The following IGF1R variants were observed in gnomAD, a reference collection of about 807,000 sequenced individuals.
The protein encoded by IGF1R is insulin-like growth factor 1 receptor.
A neutral mutation model predicts 144.6 loss-of-function variants in IGF1R; 44 were observed. The ratio of observed to expected loss-of-function variants is 0.30; its 90% CI spans 0.24 to 0.39. IGF1R has a LOEUF of 0.39. Ranked by LOEUF, IGF1R falls within the 10% of genes least tolerant of loss-of-function variation. IGF1R has a pLI of 1.00. For missense variants in IGF1R, 1,355 were observed against 1,833.7 expected (o/e 0.74, Z 4.77); for synonymous variants, 795 against 722.8 (o/e 1.10, Z -1.60).
chr15:98,912,182 A>C, intron 7 of IGF1R, among the ~76,000 whole-genome samples: 1 of 152,170 alleles, frequency 6.6e-6, no homozygotes. Context: ...TTAATCCCAT[A>C]GTTCTCTCTC....
chr15:98,893,850 C>T (rs1216479597), intron 3 of IGF1R, among the ~76,000 whole-genome samples: 1 of 152,136 alleles, frequency 6.6e-6, no homozygotes, highest in Non-Finnish European at 1.5e-5. Context: ...AAAAATAAAA[C>T]ACCATAAAGA....
chr15:98,830,128 A>G (rs2056973545), intron 2 of IGF1R, among the ~76,000 whole-genome samples: 1 of 152,194 alleles, frequency 6.6e-6, no homozygotes, highest in African/African-American at 2.4e-5. Flanking sequence ...ACCCTTCGAG[A>G]TCAGCTTAAG....
At position 98,784,482 on chromosome 15, in the gene IGF1R, G is replaced by A. The variant is rs74034203; in HGVS notation, c.640+76375G>A. ...GTCAGAATGAGGTGTACCAACCTAG[G>A]TGGTCAGAGTTGGCCAAAATACACA... On this transcript the variant is annotated intron_variant, in intron 2 of 20. Transcript: ENST00000650285. 931 of 153,922 alleles carry A rather than the reference G, an allele frequency of 6.0e-3. 5 individuals carry two copies. Among genetic ancestry groups the A allele is most frequent in the African/African-American group, 0.021 (877 of 41,536 alleles). 9.5% of individuals were successfully genotyped at this position (153,922 alleles called of 1,614,324 possible).
chr15:98,954,302 G>A (rs2016893057), intron 20 of IGF1R: 1 of 151,966 alleles, frequency 6.6e-6, no homozygotes, highest in African/African-American at 2.4e-5. Context: ...TTTGAGTCTT[G>A]TCCCTGTTCC....
At chr15:98,862,855 A>C (rs550535847) in intron 2 of IGF1R, among the ~76,000 whole-genome samples, 1 of 152,244 alleles carries the variant, frequency 6.6e-6, no homozygotes, top group Non-Finnish European at 1.5e-5. Flanking sequence ...TACAAAGAGT[A>C]CCAGGAGTTC....
rs2017210268 is a variant in IGF1R at position 98,961,152 on chromosome 15, A to C, written c.*3710A>C. 4.3e-6 allele frequency: 1 copy of C among 233,436 alleles called. No homozygotes were observed. Among genetic ancestry groups the C allele is most frequent in the African/African-American group, 2.2e-5 (1 of 45,332 alleles). The allele number at this position is 233,436 out of a possible 1,614,324, so 14.5% of individuals were successfully genotyped here. A position where few individuals can be genotyped will look rare whatever the true frequency, so the allele number is the denominator to read the frequency against. On this transcript the variant is annotated 3_prime_UTR_variant, in exon 21 of 21. Transcript: ENST00000650285. ...CCCGGGGATCTTAAGGTCATTGAGAAATACTGTTGGATCAGGGTTTTGTTC... is the reference window on the plus strand; with the variant it reads ...CCCGGGGATCTTAAGGTCATTGAGACATACTGTTGGATCAGGGTTTTGTTC...
intron 2 of IGF1R, among the ~76,000 whole-genome samples, chr15:98,739,141 G>C (rs370621114): frequency 2.0e-5 from 3 of 152,290 alleles, no homozygotes; most frequent in African/African-American, 4.8e-5. Flanking sequence ...TGGGCTTTTC[G>C]TGCATTTTAG....
intron 2 of IGF1R, among the ~76,000 whole-genome samples, chr15:98,842,991 G>A (rs572836669): frequency 3.7e-4 from 56 of 152,288 alleles, no homozygotes; most frequent in African/African-American, 1.3e-3. Context: ...TGGTGAATGG[G>A]ATGTAAAGCT....
chr15:98,672,354 C>T lies in IGF1R; in HGVS notation c.94+22679C>T, dbSNP rs372099577. Reference sequence around the variant, plus strand: ...CCGAGGCGGGCGGATCACCTGTGGTCGGGAGTTTGAGACCAGCCTGGCGAG... The same window carrying T: ...CCGAGGCGGGCGGATCACCTGTGGTTGGGAGTTTGAGACCAGCCTGGCGAG... On this transcript the variant is annotated intron_variant, in intron 1 of 20. Coordinates refer to ENST00000650285, the MANE Select transcript of IGF1R (RefSeq NM_000875.5). Among the ~76,000 whole-genome samples, 86 of 152,152 alleles carry T rather than the reference C, an allele frequency of 5.7e-4. 1 individual carries two copies. Among genetic ancestry groups the T allele is most frequent in the African/African-American group, 1.8e-3 (75 of 41,510 alleles).
intron 20 of IGF1R, among the ~76,000 whole-genome samples, chr15:98,952,251 G>A (rs2016803809): frequency 6.6e-6 from 1 of 151,372 alleles, no homozygotes; most frequent in African/African-American, 2.4e-5. Flanking sequence ...CAGGACACAG[G>A]GGAGAGGACC....
intron 17 of IGF1R, 143 bp from the exon 18 acceptor site, chr15:98,939,058 C>T (rs1431347669): frequency 1.4e-6 from 1 of 698,646 alleles, no homozygotes; most frequent in East Asian, 2.7e-5. Flanking sequence ...ATGGTTTGTT[C>T]CTTCCGAGCA....
At chr15:98,841,584 C>G (rs1412979822) in intron 2 of IGF1R, among the ~76,000 whole-genome samples, 1 of 152,118 alleles carries the variant, frequency 6.6e-6, no homozygotes, top group East Asian at 1.9e-4. Context: ...CTTGCCTGCC[C>G]CAGGGAGGAG....
chr15:98,926,968 T>G (rs1049460842), intron 13 of IGF1R, among the ~76,000 whole-genome samples: 5 of 152,092 alleles, frequency 3.3e-5, no homozygotes, highest in Non-Finnish European at 7.4e-5. Context: ...CTCCTCTTTT[T>G]CCTCCCCTCC....
chr15:98,930,452 CTTTCT>C, intron 15 of IGF1R, 147 bp downstream of exon 15: 3 of 611,002 alleles, frequency 4.9e-6, no homozygotes, highest in African/African-American at 3.7e-5. Flanking sequence ...ATATTTCTTT[CTTTCT>C]TTTTTTTTTT....
Position 98,963,410 on chromosome 15 carries a change from G to A in IGF1R, c.*5968G>A, listed in dbSNP as rs1596503205. On this transcript the variant is annotated 3_prime_UTR_variant, in exon 21 of 21. Transcript: ENST00000650285. ...TATCTTGGTCTTCCAGAACCCTCTGGTTGGGAAGGGGATCATTTTTTACTG... is the reference window on the plus strand; with the variant it reads ...TATCTTGGTCTTCCAGAACCCTCTGATTGGGAAGGGGATCATTTTTTACTG... 2 of 233,158 alleles carry A rather than the reference G, an allele frequency of 8.6e-6. No individual in the cohort carries two copies. The highest frequency in any genetic ancestry group is 1.7e-5 in the Non-Finnish European group (2 of 118,050). The allele number at this position is 233,158 out of a possible 1,614,324, so 14.4% of individuals were successfully genotyped here. A position where few individuals can be genotyped will look rare whatever the true frequency, so the allele number is the denominator to read the frequency against.
chr15:98,857,393 A>G (rs1159898811), intron 2 of IGF1R, among the ~76,000 whole-genome samples: 1 of 151,814 alleles, frequency 6.6e-6, no homozygotes, highest in Non-Finnish European at 1.5e-5. Flanking sequence ...TAATTTTTGT[A>G]TTTTCAGTAG....
At chr15:98,702,547 C>T (rs2053761348) in intron 1 of IGF1R, among the ~76,000 whole-genome samples, 2 of 152,064 alleles carry the variant, frequency 1.3e-5, no homozygotes, top group Admixed American at 1.3e-4. Context: ...GATGGGGTTT[C>T]AAACTCTTGG....
intron 1 of IGF1R, among the ~76,000 whole-genome samples, chr15:98,654,178 T>G (rs2052434215): frequency 6.7e-6 from 1 of 149,802 alleles, no homozygotes; most frequent in African/African-American, 2.6e-5. Flanking sequence ...CCTATACCTT[T>G]TTTGCCTCAT....
chr15:98,765,715 C>T (rs759786846), intron 2 of IGF1R, among the ~76,000 whole-genome samples: 62 of 152,170 alleles, frequency 4.1e-4, no homozygotes, highest in Non-Finnish European at 7.2e-4. Flanking sequence ...CAAAACTTAC[C>T]AGCTGATCTT....
Sources: allele counts gnomAD v4.1 joint callset (sites outside exome capture counted in the v4.1 genomes callset), GRCh38; gene constraint gnomAD v4.1.1; transcripts MANE v1.5; gene names NCBI Gene and HGNC (gene_info 2026-07-23, HGNC 2026-07-21).